SMYD3: variants seen among roughly 807,000 people sequenced by gnomAD.
SMYD3 encodes the protein histone-lysine N-methyltransferase SMYD3.
Under a neutral mutation model 57.7 loss-of-function variants are expected in SMYD3, and 36 were observed. The observed-to-expected ratio is 0.62, with a 90% CI of 0.48 to 0.82. The LOEUF is 0.82. Ranked by LOEUF, SMYD3 falls within the 40% of genes least tolerant of loss-of-function variation. SMYD3 has a pLI of 0.00. For missense variants in SMYD3, 515 were observed against 538.8 expected (o/e 0.96, Z 0.44); for synonymous variants, 211 against 195.0 (o/e 1.08, Z -0.68).
At chr1:246,114,319 G>A (rs2061306472) in intron 5 of SMYD3, among the ~76,000 whole-genome samples, 1 of 152,178 alleles carries the variant, frequency 6.6e-6, no homozygotes, top group South Asian at 2.1e-4. Context: ...AATTTATTAA[G>A]AAAGCTTCCA....
intron 10 of SMYD3, among the ~76,000 whole-genome samples, chr1:245,778,693 G>C (rs963615448): frequency 1.3e-5 from 2 of 152,118 alleles, no homozygotes; most frequent in Admixed American, 1.3e-4. Context: ...AACTCAAATA[G>C]ATCATTGACC....
chr1:246,073,155 T>TA (rs1012126092), intron 5 of SMYD3, among the ~76,000 whole-genome samples: 1 of 152,224 alleles, frequency 6.6e-6, no homozygotes, highest in African/African-American at 2.4e-5. Flanking sequence ...TCTTTATAAA[T>TA]ACAGTTTGTC....
At chr1:246,406,590 CGT>C (rs2066869839) in intron 1 of SMYD3, among the ~76,000 whole-genome samples, 1 of 152,152 alleles carries the variant, frequency 6.6e-6, no homozygotes, top group Non-Finnish European at 1.5e-5. Context: ...CATAGTGCTA[CGT>C]GTTAGGCACT....
At chr1:245,940,466 T>G (rs774656145) in intron 5 of SMYD3, among the ~76,000 whole-genome samples, 1 of 152,090 alleles carries the variant, frequency 6.6e-6, no homozygotes, top group African/African-American at 2.4e-5. Flanking sequence ...CAGCCTCCAC[T>G]GGTGATACCT....
chr1:246,206,081 A>C (rs866796909), intron 5 of SMYD3, among the ~76,000 whole-genome samples: 3 of 152,146 alleles, frequency 2.0e-5, no homozygotes, highest in African/African-American at 7.2e-5. Flanking sequence ...TATAGAAAAT[A>C]TTGAATAAAA....
chr1:245,929,820 G>T, intron 6 of SMYD3, 50 bp downstream of exon 6: 2 of 1,440,506 alleles, frequency 1.4e-6, no homozygotes, highest in Non-Finnish European at 2.0e-6. Context: ...TGGGGATTTG[G>T]GTGGGAATGA....
rs189985538 is a variant in SMYD3 at position 246,141,839 on chromosome 1, C to A, written c.531+185362G>T. ...GATTGAGTTCTATGTTCAGTGGAAGCAGAGTCGAGCTGGAAGCAATGAAAG... is the reference window on the plus strand; with the variant it reads ...GATTGAGTTCTATGTTCAGTGGAAGAAGAGTCGAGCTGGAAGCAATGAAAG... On this transcript the variant is annotated intron_variant, in intron 5 of 11. Transcript: ENST00000490107. Among the ~76,000 whole-genome samples, 10 of 152,290 alleles carry A rather than the reference C, an allele frequency of 6.6e-5. No homozygotes were observed. In the East Asian group the frequency reaches 1.9e-3, roughly 29 times the overall value.
intron 5 of SMYD3, among the ~76,000 whole-genome samples, chr1:246,284,044 C>T (rs555433203): frequency 1.3e-5 from 2 of 152,278 alleles, no homozygotes; most frequent in East Asian, 3.9e-4. Context: ...TTCTCAGAAA[C>T]GAAGTCTTGC....
chr1:245,856,134 G>A (rs2051226999), intron 10 of SMYD3, among the ~76,000 whole-genome samples: 1 of 152,220 alleles, frequency 6.6e-6, no homozygotes, highest in Non-Finnish European at 1.5e-5. Flanking sequence ...TAACAGGGTT[G>A]CAGGGTACCT....
At chr1:246,149,069 A>G (rs1337135773) in intron 5 of SMYD3, among the ~76,000 whole-genome samples, 1 of 152,218 alleles carries the variant, frequency 6.6e-6, no homozygotes, top group Non-Finnish European at 1.5e-5. Flanking sequence ...CTCGAAAGAA[A>G]ATTCTAGAAA....
chr1:245,756,586 G>T (rs991363687), intron 11 of SMYD3, among the ~76,000 whole-genome samples: 3 of 151,868 alleles, frequency 2.0e-5, no homozygotes, highest in Non-Finnish European at 4.4e-5. Context: ...AAAATGTCTT[G>T]ATTTCTTCTT....
intron 1 of SMYD3, among the ~76,000 whole-genome samples, chr1:246,360,826 G>T (rs2065975735): frequency 6.6e-6 from 1 of 152,134 alleles, no homozygotes; most frequent in African/African-American, 2.4e-5. Flanking sequence ...TTAAATCTAA[G>T]ACCTGAAACC....
chr1:246,297,642 A>T (rs1020278205), intron 5 of SMYD3, among the ~76,000 whole-genome samples: 1 of 152,178 alleles, frequency 6.6e-6, no homozygotes, highest in Non-Finnish European at 1.5e-5. Flanking sequence ...CTAAACAAGA[A>T]TAAATTTCTT....
rs201726897 is a variant in SMYD3 at position 246,023,807 on chromosome 1, CTGTGTGTGTGTGTG to C, written c.532-93884_532-93871del. On this transcript the variant is annotated intron_variant, in intron 5 of 11. Transcript: ENST00000490107. ...CCCACTTCACAGGACTATTACAAAACTGTGTGTGTGTGTGTGTGTGTGTGTGTGTGTGTGTGTTA... is the reference window on the plus strand; with the variant it reads ...CCCACTTCACAGGACTATTACAAAACTGTGTGTGTGTGTGTGTGTGTGTTA... Among the ~76,000 whole-genome samples, 59 of 139,510 alleles carry C rather than the reference CTGTGTGTGTGTGTG, an allele frequency of 4.2e-4. 1 individual carries two copies. The highest frequency in any genetic ancestry group is 1.4e-3 in the African/African-American group (51 of 36,192). 91.5% of individuals were successfully genotyped at this position (139,510 alleles called of 152,430 possible). A position where few individuals can be genotyped will look rare whatever the true frequency, so the allele number is the denominator to read the frequency against.
intron 10 of SMYD3, among the ~76,000 whole-genome samples, chr1:245,798,575 A>T (rs1048742472): frequency 2.0e-5 from 3 of 151,366 alleles, no homozygotes; most frequent in African/African-American, 7.3e-5. Flanking sequence ...AGGAAGAAAG[A>T]GGGAAATTTC....
At chr1:246,326,511 C>T (rs1027540877) in intron 5 of SMYD3, 43 of 545,434 alleles carry the variant, frequency 7.9e-5, no homozygotes, top group African/African-American at 2.5e-4. Flanking sequence ...TGGCAGTTCG[C>T]GCCTGTAATC....
intron 1 of SMYD3, among the ~76,000 whole-genome samples, chr1:246,493,060 G>T (rs1055148858): frequency 6.6e-6 from 1 of 152,100 alleles, no homozygotes; most frequent in African/African-American, 2.4e-5. Flanking sequence ...CCACCGAAGG[G>T]TACACTTAAA....
intron 10 of SMYD3, among the ~76,000 whole-genome samples, chr1:245,785,677 G>C (rs2047010170): frequency 6.6e-6 from 1 of 151,984 alleles, no homozygotes. Context: ...GAGAGAGTGA[G>C]AAAGCGAGCA....
intron 5 of SMYD3, among the ~76,000 whole-genome samples, chr1:246,300,798 G>C (rs1449410024): frequency 6.6e-6 from 1 of 152,088 alleles, no homozygotes; most frequent in African/African-American, 2.4e-5. Flanking sequence ...CTGGAATACA[G>C]CCAGTATTCA....
Sources: allele counts gnomAD v4.1 joint callset (sites outside exome capture counted in the v4.1 genomes callset), GRCh38; gene constraint gnomAD v4.1.1; transcripts MANE v1.5; gene names NCBI Gene and HGNC (gene_info 2026-07-23, HGNC 2026-07-21).